The following CDYL2 variants were observed in gnomAD, a reference collection of about 807,000 sequenced individuals.
CDYL2 encodes chromodomain Y-like protein 2.
CDYL2 carries 23 observed loss-of-function variants against 49.4 expected under a neutral mutation model. That is an observed-to-expected ratio of 0.47 (90% CI 0.34 to 0.66). The LOEUF (loss-of-function observed/expected upper bound fraction) is 0.66, where lower values mean the gene tolerates loss of function less well. Among genes scored for constraint, CDYL2 ranks in the 30% least tolerant of loss-of-function variants. The pLI is 0.01. For missense variants in CDYL2, 678 were observed against 656.4 expected (o/e 1.03, Z -0.36); for synonymous variants, 360 against 268.8 (o/e 1.34, Z -3.32).
intron 1 of CDYL2, among the ~76,000 whole-genome samples, chr16:80,700,561 G>A (rs921403497): frequency 1.3e-5 from 2 of 152,220 alleles, no homozygotes; most frequent in African/African-American, 4.8e-5. Flanking sequence ...ATATTAGAAA[G>A]AGGGTTAAGC....
intron 2 of CDYL2, among the ~76,000 whole-genome samples, chr16:80,634,174 T>A (rs73583641): frequency 6.6e-6 from 1 of 152,028 alleles, no homozygotes; most frequent in Non-Finnish European, 1.5e-5. Context: ...TTATAAATCA[T>A]GCTACTATAA....
intron 1 of CDYL2, among the ~76,000 whole-genome samples, chr16:80,727,707 G>C (rs367679861): frequency 1.3e-5 from 2 of 152,214 alleles, no homozygotes; most frequent in Non-Finnish European, 2.9e-5. Flanking sequence ...CTGTCTGACA[G>C]CTTTGAAGAG....
chr16:80,682,891 G>A (rs558716526), intron 2 of CDYL2, among the ~76,000 whole-genome samples: 3 of 152,352 alleles, frequency 2.0e-5, no homozygotes, highest in Middle Eastern at 3.4e-3. Flanking sequence ...TCACGTCAGC[G>A]TCAGGGATCC....
Position 80,599,241 on chromosome 16 carries a change from C to A in CDYL2, c.*5147G>T, listed in dbSNP as rs537709514. ...CACACTGCAAAAATTTAAAGCAAAT[C>A]TCCATCTTAATGGCTGATAAGTTGA... On this transcript the variant is annotated 3_prime_UTR_variant, in exon 7 of 7. Transcript: ENST00000570137. The A allele has an allele frequency of 1.3e-5, 2 of 152,330 alleles. No individual in the cohort carries two copies. Among genetic ancestry groups the A allele is most frequent in the Admixed American group, 6.5e-5 (1 of 15,312 alleles). The allele number at this position is 152,330 out of a possible 1,614,324, so 9.4% of individuals were successfully genotyped here.
chr16:80,682,970 C>T (rs990089011), intron 2 of CDYL2, among the ~76,000 whole-genome samples: 13 of 152,170 alleles, frequency 8.5e-5, no homozygotes, highest in African/African-American at 2.9e-4. Flanking sequence ...AAATTCCTCT[C>T]TCTGGAGAAA....
intron 1 of CDYL2, among the ~76,000 whole-genome samples, chr16:80,754,613 C>T (rs1906246470): frequency 6.6e-6 from 1 of 152,154 alleles, no homozygotes; most frequent in Non-Finnish European, 1.5e-5. Flanking sequence ...TGCTGTGACT[C>T]TGGACAAGTC....
chr16:80,741,154 T>C (rs1255481609), intron 1 of CDYL2, among the ~76,000 whole-genome samples: 1 of 149,672 alleles, frequency 6.7e-6, no homozygotes, highest in Non-Finnish European at 1.5e-5. Context: ...GAAACATATA[T>C]ATACATAATA....
intron 1 of CDYL2, among the ~76,000 whole-genome samples, chr16:80,786,300 A>T (rs747312014): frequency 6.6e-6 from 1 of 152,214 alleles, no homozygotes; most frequent in Non-Finnish European, 1.5e-5. Flanking sequence ...AAAAATGGGC[A>T]AAGGATATGA....
intron 1 of CDYL2, among the ~76,000 whole-genome samples, chr16:80,786,910 G>C (rs1474370250): frequency 1.3e-5 from 2 of 152,038 alleles, no homozygotes; most frequent in East Asian, 1.9e-4. Flanking sequence ...TCACACACCA[G>C]GGCCTGTGGG....
chr16:80,667,231 T>C (rs1909304493), intron 2 of CDYL2, among the ~76,000 whole-genome samples: 1 of 152,124 alleles, frequency 6.6e-6, no homozygotes, highest in Non-Finnish European at 1.5e-5. Context: ...GGGGTGGGCT[T>C]CCATCTATCT....
chr16:80,715,591 C>T (rs1904771081), intron 1 of CDYL2, among the ~76,000 whole-genome samples: 1 of 152,172 alleles, frequency 6.6e-6, no homozygotes, highest in African/African-American at 2.4e-5. Flanking sequence ...CCCTTTCCTC[C>T]ACTCTCACAT....
chr16:80,600,401 C>A lies in CDYL2; in HGVS notation c.*3987G>T, dbSNP rs1286202662. On this transcript the variant is annotated 3_prime_UTR_variant, in exon 7 of 7. Coordinates refer to ENST00000570137, the MANE Select transcript of CDYL2 (RefSeq NM_152342.4). Reference sequence around the variant, plus strand: ...GTATTAAAGTCTGTAAGCATTTCAACCAAAATTTGCAGAAATAACTAAGCA... The same window carrying A: ...GTATTAAAGTCTGTAAGCATTTCAAACAAAATTTGCAGAAATAACTAAGCA... 1 of 152,088 alleles carries A rather than the reference C, an allele frequency of 6.6e-6. No individual in the cohort carries two copies. The highest frequency in any genetic ancestry group is 6.5e-5 in the Admixed American group (1 of 15,274). The allele number at this position is 152,088 out of a possible 1,614,324, so 9.4% of individuals were successfully genotyped here. A position where few individuals can be genotyped will look rare whatever the true frequency, so the allele number is the denominator to read the frequency against.
At chr16:80,690,102 C>T (rs1597176506) in intron 1 of CDYL2, among the ~76,000 whole-genome samples, 1 of 148,766 alleles carries the variant, frequency 6.7e-6, no homozygotes, top group South Asian at 2.2e-4. Context: ...GCCTAGGAGA[C>T]AGAGCAAGAC....
chr16:80,678,676 A>C (rs2142464730), intron 2 of CDYL2, among the ~76,000 whole-genome samples: 1 of 149,256 alleles, frequency 6.7e-6, no homozygotes, highest in South Asian at 2.2e-4. Context: ...ACTGTAAAGT[A>C]GTTCAACCAT....
Position 80,620,876 on chromosome 16 carries a change from C to T in CDYL2, c.894G>A (p.Leu298=). 1 of 1,611,884 alleles carries T rather than the reference C, an allele frequency of 6.2e-7. No individual in the cohort carries two copies. Among genetic ancestry groups the T allele is most frequent in the Non-Finnish European group, 8.5e-7 (1 of 1,178,312 alleles). ...ACACGCTCCCCACTGCGCTGAGGAG[C>T]AGCAGTTTGCTGTCGTCTGTGGCTG... ...CNAATDDSKL[L]LLSAVGSVFC... The change falls in exon 4 of 7, where the codon CTG becomes CTA. Residue 298 remains leucine (L), a synonymous_variant. Transcript: ENST00000570137.
At chr16:80,759,118 A>AGG (rs1906427868) in intron 1 of CDYL2, among the ~76,000 whole-genome samples, 1 of 118,486 alleles carries the variant, frequency 8.4e-6, no homozygotes, top group African/African-American at 3.7e-5. Flanking sequence ...ATATATATAT[A>AGG]TATATATATA....
intron 1 of CDYL2, among the ~76,000 whole-genome samples, chr16:80,766,153 C>A (rs989933480): frequency 6.6e-6 from 1 of 151,708 alleles, no homozygotes; most frequent in African/African-American, 2.4e-5. Context: ...GGAATGATGA[C>A]CACTGTTCCA....
chr16:80,771,926 G>C (rs1264791120), intron 1 of CDYL2, among the ~76,000 whole-genome samples: 1 of 152,140 alleles, frequency 6.6e-6, no homozygotes, highest in East Asian at 1.9e-4. Flanking sequence ...AGGATACAGT[G>C]ATGGAGAATA....
Position 80,608,173 on chromosome 16 carries a change from C to G in CDYL2, c.1281G>C (p.Leu427=). 4 of 1,603,606 alleles carry G rather than the reference C, an allele frequency of 2.5e-6. No individual in the cohort carries two copies. In the Admixed American group the frequency reaches 6.8e-5, roughly 27 times the overall value. ...LTAQEACSRG[L]VSQVFWPTTF... is the part of the protein sequence containing the mutation. The stretch of plus-strand genomic sequence containing the variant: ...TGGTGGGCCAGAAGACCTGCGACAC[C>G]AGCCCCCTGCTGCAGGCCTCCTGGG... The change falls in exon 6 of 7, where the codon CTG becomes CTC. Residue 427 remains leucine (L), a synonymous_variant. Transcript: ENST00000570137.
Sources: allele counts gnomAD v4.1 joint callset (sites outside exome capture counted in the v4.1 genomes callset), GRCh38; gene constraint gnomAD v4.1.1; transcripts MANE v1.5; gene names NCBI Gene and HGNC (gene_info 2026-07-23, HGNC 2026-07-21).